CYP51A1: variants seen among roughly 807,000 people sequenced by gnomAD.
CYP51A1 encodes cytochrome P450 family 51 subfamily A member 1, also known as lanosterol 14-alpha demethylase.
CYP51A1 carries 45 observed loss-of-function variants against 53.5 expected under a neutral mutation model. The observed-to-expected ratio is 0.84, with a 90% confidence interval of 0.66 to 1.08. CYP51A1 has a LOEUF of 1.08. CYP51A1 is among the 50% of genes least tolerant of loss of function. The probability of loss-of-function intolerance (pLI) is 0.00; values close to 1 mark genes in which losing one functional copy is unlikely to be tolerated. For missense variants in CYP51A1, 462 were observed against 621.7 expected (o/e 0.74, Z 2.73); for synonymous variants, 181 against 217.7 (o/e 0.83, Z 1.48).
intron 5 of CYP51A1, among the ~76,000 whole-genome samples, chr7:92,124,994 A>G (rs1819767849): frequency 6.6e-6 from 1 of 152,072 alleles, no homozygotes; most frequent in African/African-American, 2.4e-5. Context: ...GTACAAAACA[A>G]TTAGCCAGGC....
At chr7:92,134,041 C>G (rs1268692518) in intron 1 of CYP51A1, 132 bp downstream of exon 1, 23 of 847,272 alleles carry the variant, frequency 2.7e-5, no homozygotes, top group Admixed American at 1.3e-4. Flanking sequence ...AAAGCCACGC[C>G]AAGCATGGCC....
At chr7:92,115,908 A>C (rs1819571474) in intron 9 of CYP51A1, among the ~76,000 whole-genome samples, 2 of 152,256 alleles carry the variant, frequency 1.3e-5, no homozygotes, top group Non-Finnish European at 2.9e-5. Context: ...GATAATTACT[A>C]GTTTAGAAAC....
chr7:92,134,123 C>T lies in CYP51A1; in HGVS notation c.192+50G>A, dbSNP rs1361636492. 5 of 1,578,764 alleles carry T rather than the reference C, an allele frequency of 3.2e-6. No individual in the cohort carries two copies. The Admixed American group carries it at 8.5e-5, about 27-fold the overall frequency. On this transcript the variant is annotated intron_variant, in intron 1 of 9. Coordinates refer to ENST00000003100, the MANE Select transcript of CYP51A1 (RefSeq NM_000786.4). Reference sequence around the variant, plus strand: ...GAGCCGCCCACGCCAGCCCTTCGGCCGCCTCAGCTGCGGCGCGCGCCCCAC... The same window carrying T: ...GAGCCGCCCACGCCAGCCCTTCGGCTGCCTCAGCTGCGGCGCGCGCCCCAC...
At chr7:92,125,192 A>G (rs190239840) in intron 5 of CYP51A1, among the ~76,000 whole-genome samples, 3 of 151,906 alleles carry the variant, frequency 2.0e-5, no homozygotes, top group African/African-American at 7.2e-5. Flanking sequence ...AGAACCCACT[A>G]TGAGTCCAGG....
chr7:92,114,725 T>G (rs1819547743), intron 9 of CYP51A1, among the ~76,000 whole-genome samples: 2 of 152,214 alleles, frequency 1.3e-5, no homozygotes, highest in Admixed American at 1.3e-4. Flanking sequence ...TCTTCATGAC[T>G]CAGGGGCTAA....
intron 1 of CYP51A1, 24 bp from the exon 2 acceptor site, chr7:92,131,896 T>C (rs1236939642): frequency 9.6e-6 from 13 of 1,354,252 alleles, no homozygotes; most frequent in South Asian, 3.6e-5. Flanking sequence ...AAATAGTAAA[T>C]TCAATTCGTG....
chr7:92,118,443 A>G, intron 8 of CYP51A1, 77 bp downstream of exon 8: 1 of 848,838 alleles, frequency 1.2e-6, no homozygotes, highest in Non-Finnish European at 2.0e-6. Context: ...TACAGGTGTG[A>G]ACCACCACAC....
At chr7:92,117,715 C>T (rs553888064) in intron 8 of CYP51A1, among the ~76,000 whole-genome samples, 43 of 152,198 alleles carry the variant, frequency 2.8e-4, no homozygotes, top group Non-Finnish European at 5.9e-4. Context: ...GTAGGCCGGG[C>T]GCGGGATTAC....
rs762730609 is a variant in CYP51A1 at position 92,128,987 on chromosome 7, C to T, written c.361G>A (p.Ala121Thr). The change falls in exon 3 of 10, where the codon GCA (alanine) becomes ACA (threonine). Residue 121 changes from alanine to threonine, a missense_variant. Ala to Thr is a moderately conservative substitution (Grantham distance 58, BLOSUM62 0). Coordinates refer to ENST00000003100, the MANE Select transcript of CYP51A1 (RefSeq NM_000786.4). Reference protein sequence around the residue: ...FTYLLGSDAAALLFNSKNEDL... With the variant: ...FTYLLGSDAATLLFNSKNEDL... ...TCATTTTTACTATTAAAAAGCAGTGCAGCAGCATCACTCCCCAGAAGGTAA... is the reference window on the plus strand; with the variant it reads ...TCATTTTTACTATTAAAAAGCAGTGTAGCAGCATCACTCCCCAGAAGGTAA... 1.9e-6 allele frequency: 3 copies of T among 1,613,734 alleles called. No homozygotes were observed. Among genetic ancestry groups the T allele is most frequent in the Non-Finnish European group, 2.5e-6 (3 of 1,179,778 alleles).
rs759457004 is a variant in CYP51A1, at chr7:92,126,543, C to T, written c.596-116G>A. 2.8e-4 allele frequency: 237 copies of T among 859,120 alleles called. 1 individual carries two copies. The highest frequency in any genetic ancestry group is 3.7e-4 in the Non-Finnish European group (214 of 575,492). 53.2% of individuals were successfully genotyped at this position (859,120 alleles called of 1,614,324 possible). On this transcript the variant is annotated intron_variant, in intron 4 of 9. Transcript: ENST00000003100. ...TCCTATTCATATCATCAAAAAAAGT[C>T]TGTAGACAGACATGTGACTATGTAC...
chr7:92,133,802 C>T (rs1819974838), intron 1 of CYP51A1, among the ~76,000 whole-genome samples: 1 of 152,194 alleles, frequency 6.6e-6, no homozygotes, highest in Non-Finnish European at 1.5e-5. Flanking sequence ...GTCGTTCAAA[C>T]CCACAGCCGC....
At chr7:92,132,088 C>A (rs922432863) in intron 1 of CYP51A1, among the ~76,000 whole-genome samples, 4 of 152,036 alleles carry the variant, frequency 2.6e-5, no homozygotes, top group Admixed American at 2.6e-4. Flanking sequence ...ACTCAAAACA[C>A]GGTATAAGAT....
chr7:92,118,731 G>A (rs926398142), intron 7 of CYP51A1, 116 bp from the exon 8 acceptor site: 3 of 653,288 alleles, frequency 4.6e-6, no homozygotes, highest in East Asian at 2.8e-5. Flanking sequence ...AAAGTACAGA[G>A]GTAACTGGTT....
At chr7:92,121,391 G>T (rs1819690923) in intron 7 of CYP51A1, among the ~76,000 whole-genome samples, 1 of 152,022 alleles carries the variant, frequency 6.6e-6, no homozygotes, top group African/African-American at 2.4e-5. Context: ...AGTGAGATTT[G>T]AAAGTGGTGC....
At chr7:92,133,544 G>T (rs1819967573) in intron 1 of CYP51A1, among the ~76,000 whole-genome samples, 1 of 152,352 alleles carries the variant, frequency 6.6e-6, no homozygotes, top group East Asian at 1.9e-4. Flanking sequence ...TGGGATTACA[G>T]GCGTGAGCCA....
At chr7:92,133,501 A>T (rs184743905) in intron 1 of CYP51A1, among the ~76,000 whole-genome samples, 291 of 152,324 alleles carry the variant, frequency 1.9e-3, no homozygotes, top group African/African-American at 6.5e-3. Flanking sequence ...TCCTGACCTC[A>T]GGTGATCCGC....
chr7:92,132,414 T>A (rs1819941892), intron 1 of CYP51A1, among the ~76,000 whole-genome samples: 1 of 152,232 alleles, frequency 6.6e-6, no homozygotes. Flanking sequence ...AAAGGCTATA[T>A]AAACTGTTAT....
intron 3 of CYP51A1, among the ~76,000 whole-genome samples, chr7:92,128,439 T>C (rs571602765): frequency 0.011 from 1,593 of 148,058 alleles, 32 homozygotes; most frequent in African/African-American, 0.038. Context: ...TGTGTGTGTG[T>C]GTGTGTGTGT....
intron 3 of CYP51A1, among the ~76,000 whole-genome samples, chr7:92,128,428 C>CTCTGTGTGTG (rs112952169): frequency 0.014 from 2,049 of 143,106 alleles, 47 homozygotes; most frequent in African/African-American, 0.021. Context: ...TGGTTGGTTT[C>CTCTGTGTGTG]TGTGTGTGTG....
Sources: gnomAD v4.1 joint callset for allele counts (sites outside exome capture counted in the v4.1 genomes callset) on GRCh38, gnomAD v4.1.1 for gene constraint, MANE v1.5 for transcripts, NCBI Gene and HGNC (gene_info 2026-07-23, HGNC 2026-07-21) for gene names.